Variants in CEP112 observed in about 807,000 individuals in gnomAD.
CEP112 encodes the protein centrosomal protein of 112 kDa.
Under a neutral mutation model 153.0 loss-of-function variants are expected in CEP112, and 127 were observed. The ratio of observed to expected loss-of-function variants is 0.83; its 90% CI spans 0.72 to 0.96. CEP112 has a LOEUF of 0.96. Among genes scored for constraint, CEP112 ranks in the 40% least tolerant of loss-of-function variants. CEP112 has a pLI of 0.00. For missense variants in CEP112, 1,089 were observed against 1,101.2 expected (o/e 0.99, Z 0.16); for synonymous variants, 358 against 374.4 (o/e 0.96, Z 0.51).
chr17:65,765,556 T>C (rs2145440580), intron 21 of CEP112, among the ~76,000 whole-genome samples: 1 of 152,226 alleles, frequency 6.6e-6, no homozygotes, highest in East Asian at 1.9e-4. Context: ...CTGCTATGGC[T>C]GCTTGCAAGC....
intron 19 of CEP112, among the ~76,000 whole-genome samples, chr17:65,918,385 G>C (rs531092610): frequency 1.3e-5 from 2 of 152,160 alleles, no homozygotes; most frequent in African/African-American, 4.8e-5. Context: ...TACTGTGTTT[G>C]CTAACAAAAT....
chr17:66,120,780 T>C (rs975165671), intron 6 of CEP112, among the ~76,000 whole-genome samples: 1 of 152,234 alleles, frequency 6.6e-6, no homozygotes, highest in Admixed American at 6.5e-5. Context: ...AGTTCATTGA[T>C]TCCATTCATC....
intron 17 of CEP112, among the ~76,000 whole-genome samples, chr17:65,979,224 T>G (rs2063142625): frequency 6.6e-6 from 1 of 151,630 alleles, no homozygotes; most frequent in African/African-American, 2.4e-5. Flanking sequence ...GGCATTTTGT[T>G]TATTTTTAAT....
chr17:65,779,289 A>G (rs2053870766), intron 21 of CEP112, among the ~76,000 whole-genome samples: 2 of 152,180 alleles, frequency 1.3e-5, no homozygotes, highest in Non-Finnish European at 2.9e-5. Flanking sequence ...TGTCATTTAC[A>G]ACACTTCTGA....
At chr17:65,925,731 C>T (rs2060898932) in intron 19 of CEP112, among the ~76,000 whole-genome samples, 1 of 152,126 alleles carries the variant, frequency 6.6e-6, no homozygotes, top group Non-Finnish European at 1.5e-5. Context: ...TTTGCTTTGG[C>T]CAATAAAATG....
chr17:66,046,109 C>T (rs2066193684), intron 12 of CEP112, among the ~76,000 whole-genome samples: 2 of 151,640 alleles, frequency 1.3e-5, no homozygotes, highest in Admixed American at 1.3e-4. Flanking sequence ...GTGGTGCGAT[C>T]TCTCCTCACT....
At chr17:65,832,177 G>A (rs1258628798) in intron 21 of CEP112, among the ~76,000 whole-genome samples, 1 of 152,078 alleles carries the variant, frequency 6.6e-6, no homozygotes, top group Non-Finnish European at 1.5e-5. Context: ...GAATCTCTGG[G>A]ACATAGCTAA....
intron 19 of CEP112, among the ~76,000 whole-genome samples, chr17:65,916,191 A>G (rs558894979): frequency 2.0e-5 from 3 of 151,142 alleles, no homozygotes; most frequent in African/African-American, 7.3e-5. Context: ...AGCTTGCTCT[A>G]TTTTTCTTCA....
At chr17:65,826,122 G>A (rs930658175) in intron 21 of CEP112, 7 of 1,613,108 alleles carry the variant, frequency 4.3e-6, no homozygotes, top group East Asian at 2.2e-5. Flanking sequence ...GAGGACAGAG[G>A]TTGTCTTGTT....
intron 20 of CEP112, among the ~76,000 whole-genome samples, chr17:65,881,434 A>T (rs2059070089): frequency 6.6e-6 from 1 of 152,146 alleles, no homozygotes; most frequent in Non-Finnish European, 1.5e-5. Flanking sequence ...GCACATACAC[A>T]TACATTCATG....
Position 65,880,426 on chromosome 17 carries a change from C to A in CEP112, c.2163+21726G>T, listed in dbSNP as rs59890716. ...GTATTAAAAACAGGTTAAAAACCAA[C>A]AAACATCAAATTTAAAAAATGGGGG... On this transcript the variant is annotated intron_variant, in intron 20 of 26. Transcript: ENST00000535342. 1.3e-5 allele frequency among the ~76,000 whole-genome samples: 2 copies of A among 152,048 alleles called. 1 individual carries two copies. Among genetic ancestry groups the A allele is most frequent in the Non-Finnish European group, 2.9e-5 (2 of 68,002 alleles).
intron 23 of CEP112, among the ~76,000 whole-genome samples, chr17:65,730,802 G>A (rs182088869): frequency 2.4e-5 from 3 of 125,016 alleles, no homozygotes; most frequent in African/African-American, 9.6e-5. Context: ...TGGTAACACA[G>A]ACCAGATTGC....
chr17:65,712,538 AG>A lies in CEP112; in HGVS notation c.2608-23321del, dbSNP rs538658872. ...TTGCAGAAATAACATAAAACAGGAC[AG>A]GGCTATTCGCGTCACTATCCTCATC... On this transcript the variant is annotated intron_variant, in intron 23 of 26. Transcript: ENST00000535342. 7.1e-4 allele frequency among the ~76,000 whole-genome samples: 107 copies of A among 151,594 alleles called. 2 individuals carry two copies. The highest frequency in any genetic ancestry group is 2.5e-3 in the African/African-American group (101 of 40,896).
At chr17:66,005,904 C>T in intron 16 of CEP112, 135 bp from the exon 17 acceptor site, 1 of 744,690 alleles carries the variant, frequency 1.3e-6, no homozygotes, top group South Asian at 2.4e-5. Flanking sequence ...AAGATAGAAA[C>T]TTGGTCTACC....
chr17:65,842,015 T>C (rs1157773055), intron 21 of CEP112, among the ~76,000 whole-genome samples: 1 of 152,020 alleles, frequency 6.6e-6, no homozygotes, highest in African/African-American at 2.4e-5. Context: ...AATAAGGTCT[T>C]CTACTTTCAA....
rs9896070 is a variant in CEP112 at position 65,864,305 on chromosome 17, C to T, written c.2164-12271G>A. ...ATGCTGGGTTGTCTATGTTAATGTG[C>T]CTAAGTGTCCCTTTCAGAAGAGCTG... On this transcript the variant is annotated intron_variant, in intron 20 of 26. Transcript: ENST00000535342. Among the ~76,000 whole-genome samples the T allele has an allele frequency of 2.7e-3, 408 of 152,186 alleles. 1 individual carries two copies. Among genetic ancestry groups the T allele is most frequent in the African/African-American group, 9.4e-3 (392 of 41,508 alleles).
rs573826119 is a variant in CEP112, at chr17:65,863,169, AT to A, written c.2164-11136del. Among the ~76,000 whole-genome samples the A allele has an allele frequency of 3.0e-4, 46 of 151,910 alleles. 1 individual carries two copies. The South Asian group carries it at 7.9e-3, about 26-fold the overall frequency. The stretch of plus-strand genomic sequence containing the variant: ...GATTTAAGCTTATAAATTCAAAAAA[AT>A]ACATTATTTTAATTTACGGTCTTTT... On this transcript the variant is annotated intron_variant, in intron 20 of 26. Transcript: ENST00000535342.
chr17:65,821,874 C>T (rs146688384), intron 21 of CEP112, among the ~76,000 whole-genome samples: 10 of 151,608 alleles, frequency 6.6e-5, no homozygotes, highest in Admixed American at 2.0e-4. Context: ...TTTAAAAAAA[C>T]GTTTAAAATG....
At chr17:65,703,648 C>T (rs1054071001) in intron 23 of CEP112, among the ~76,000 whole-genome samples, 7 of 149,588 alleles carry the variant, frequency 4.7e-5, no homozygotes, top group African/African-American at 1.7e-4. Flanking sequence ...CACCAATGGG[C>T]CCAGCTCCAC....
Sources: gnomAD v4.1 joint callset for allele counts (sites outside exome capture counted in the v4.1 genomes callset) on GRCh38, gnomAD v4.1.1 for gene constraint, MANE v1.5 for transcripts, NCBI Gene and HGNC (gene_info 2026-07-23, HGNC 2026-07-21) for gene names.